IREB2: variants seen among roughly 807,000 people sequenced by gnomAD.
IREB2 encodes the protein iron-responsive element-binding protein 2.
IREB2 carries 39 observed loss-of-function variants against 118.8 expected under a neutral mutation model. The ratio of observed to expected loss-of-function variants is 0.33; its 90% CI spans 0.25 to 0.43. IREB2 has a LOEUF of 0.43. Ranked by LOEUF, IREB2 falls within the 20% of genes least tolerant of loss-of-function variation. IREB2 has a pLI of 1.00. For missense variants in IREB2, 900 were observed against 1,147.3 expected (o/e 0.78, Z 3.11); for synonymous variants, 372 against 392.2 (o/e 0.95, Z 0.61).
intron 3 of IREB2, among the ~76,000 whole-genome samples, chr15:78,464,956 A>C (rs1364017132): frequency 2.0e-5 from 3 of 152,228 alleles, no homozygotes; most frequent in Admixed American, 2.0e-4. Context: ...GGGAAGGTGC[A>C]TCAAAAAAAT....
chr15:78,484,931 G>T lies in IREB2; in HGVS notation c.1573+11G>T. On this transcript the variant is annotated intron_variant, in intron 12 of 21. Coordinates refer to ENST00000258886, the MANE Select transcript of IREB2 (RefSeq NM_004136.4). Reference sequence around the variant, plus strand: ...TCATGCTTGCTGCAGGTGGGTTGTGGTTTATGGCCATACTTTTTCTTTTTC... The same window carrying T: ...TCATGCTTGCTGCAGGTGGGTTGTGTTTTATGGCCATACTTTTTCTTTTTC... The T allele has an allele frequency of 6.2e-7, 1 of 1,602,672 alleles. No individual in the cohort carries two copies. Among genetic ancestry groups the T allele is most frequent in the Non-Finnish European group, 8.5e-7 (1 of 1,175,262 alleles).
chr15:78,442,045 T>G (rs2050852917), intron 2 of IREB2, among the ~76,000 whole-genome samples: 1 of 152,246 alleles, frequency 6.6e-6, no homozygotes, highest in South Asian at 2.1e-4. Context: ...TAGCTGGTAC[T>G]ATAGGCGTGC....
At chr15:78,453,591 TC>T (rs1022463609) in intron 2 of IREB2, among the ~76,000 whole-genome samples, 3 of 152,190 alleles carry the variant, frequency 2.0e-5, no homozygotes. Flanking sequence ...GATGCAAAAC[TC>T]CTATAGAGAA....
intron 20 of IREB2, 30 bp from the exon 21 acceptor site, chr15:78,497,096 T>C (rs750934332): frequency 5.7e-6 from 9 of 1,569,532 alleles, no homozygotes; most frequent in Admixed American, 3.4e-5. Flanking sequence ...CAGAAGTGAT[T>C]AGAGGGAATA....
At chr15:78,466,224 G>A (rs1375034887) in intron 4 of IREB2, 47 bp from the exon 5 acceptor site, 2 of 1,294,306 alleles carry the variant, frequency 1.5e-6, no homozygotes, top group Non-Finnish European at 2.2e-6. Flanking sequence ...AGCTAAATTT[G>A]TGTCCCTTTT....
Position 78,484,762 on chromosome 15 carries a change from T to A in IREB2, c.1415T>A (p.Val472Asp), listed in dbSNP as rs2051631481. The change falls in exon 12 of 22, where the codon GTT (valine) becomes GAT (aspartate). Residue 472 changes from valine (V) to aspartate (D), a missense_variant and splice_region_variant. Physicochemically the swap from Val to Asp is radical, Grantham distance 152. Coordinates refer to ENST00000258886, the MANE Select transcript of IREB2 (RefSeq NM_004136.4). ...SDFQACLNEK[V>D]GFKGFQIAAE... ...ATATTTTTGTGGAAATTTGTATAGGTTGGATTTAAAGGCTTCCAAATTGCA... is the reference window on the plus strand; with the variant it reads ...ATATTTTTGTGGAAATTTGTATAGGATGGATTTAAAGGCTTCCAAATTGCA... 1 of 1,610,728 alleles carries A rather than the reference T, an allele frequency of 6.2e-7. No homozygotes were observed. The highest frequency in any genetic ancestry group is 1.3e-5 in the African/African-American group (1 of 74,816).
At chr15:78,457,947 G>C (rs952126104) in intron 2 of IREB2, among the ~76,000 whole-genome samples, 3 of 151,848 alleles carry the variant, frequency 2.0e-5, no homozygotes, top group Non-Finnish European at 2.9e-5. Flanking sequence ...TTATGTTTCT[G>C]ATTGAAGTAA....
chr15:78,449,803 T>C (rs149346678), intron 2 of IREB2, among the ~76,000 whole-genome samples: 1 of 150,494 alleles, frequency 6.6e-6, no homozygotes, highest in Non-Finnish European at 1.5e-5. Flanking sequence ...GACCTCAGCA[T>C]TTTTTTTTCA....
intron 20 of IREB2, among the ~76,000 whole-genome samples, chr15:78,494,564 C>T (rs1046028373): frequency 1.8e-4 from 28 of 152,080 alleles, no homozygotes; most frequent in Non-Finnish European, 3.7e-4. Context: ...TTATTTATAC[C>T]TATTGATCAT....
intron 12 of IREB2, 21 bp downstream of exon 12, chr15:78,484,941 A>G: frequency 1.3e-6 from 2 of 1,596,050 alleles, no homozygotes; most frequent in Non-Finnish European, 1.7e-6. Flanking sequence ...GTTTATGGCC[A>G]TACTTTTTCT....
At chr15:78,443,303 G>T (rs1782278811) in intron 2 of IREB2, among the ~76,000 whole-genome samples, 2 of 152,156 alleles carry the variant, frequency 1.3e-5, no homozygotes, top group South Asian at 4.1e-4. Flanking sequence ...CCAAACCATA[G>T]ATAAGATGGG....
Position 78,484,686 on chromosome 15 carries a change from CTA to C in IREB2, c.1414-73_1414-72del, listed in dbSNP as rs1410829627. ...TAAATCATCAAATGTCCGGTATCTG[CTA>C]TGTTTTCTGCCAGTCTTTTATTCTG... On this transcript the variant is annotated intron_variant, in intron 11 of 21. Coordinates refer to ENST00000258886, the MANE Select transcript of IREB2 (RefSeq NM_004136.4). 4 of 1,010,926 alleles carry C rather than the reference CTA, an allele frequency of 4.0e-6. No homozygotes were observed. The East Asian group carries it at 9.8e-5, about 25-fold the overall frequency. 62.6% of individuals were successfully genotyped at this position (1,010,926 alleles called of 1,614,324 possible).
chr15:78,438,760 C>A (rs116845104), intron 1 of IREB2: 1 of 283,518 alleles, frequency 3.5e-6, no homozygotes, highest in Admixed American at 4.7e-5. Flanking sequence ...GTTCGGGTCT[C>A]ACGCAGCTAG....
At position 78,466,494 on chromosome 15, in the gene IREB2, G is replaced by C. The variant is rs778274858; in HGVS notation, c.629+5G>C. On this transcript the variant is annotated splice_donor_5th_base_variant and intron_variant, in intron 5 of 21. Coordinates refer to ENST00000258886, the MANE Select transcript of IREB2 (RefSeq NM_004136.4). ...TCATTTGCAACCAGTGCCTGAGTATGAGATTGTTTTTCTTAAAGTTTATTA... is the reference window on the plus strand; with the variant it reads ...TCATTTGCAACCAGTGCCTGAGTATCAGATTGTTTTTCTTAAAGTTTATTA... The C allele has an allele frequency of 6.3e-7, 1 of 1,597,096 alleles. No individual in the cohort carries two copies. Among genetic ancestry groups the C allele is most frequent in the Non-Finnish European group, 8.6e-7 (1 of 1,165,138 alleles).
intron 1 of IREB2, 200 bp downstream of exon 1, chr15:78,438,556 T>A: frequency 1.7e-6 from 1 of 602,906 alleles, no homozygotes; most frequent in Admixed American, 2.9e-5. Flanking sequence ...ATCCCCACCC[T>A]CCTGCGCGAC....
At chr15:78,448,849 C>G (rs773600407) in intron 2 of IREB2, among the ~76,000 whole-genome samples, 2 of 152,208 alleles carry the variant, frequency 1.3e-5, no homozygotes, top group African/African-American at 4.8e-5. Context: ...AGTCTTTCCC[C>G]CTTCCTTCAG....
At chr15:78,483,867 TCC>T (rs35963719) in intron 11 of IREB2, among the ~76,000 whole-genome samples, 1 of 151,112 alleles carries the variant, frequency 6.6e-6, no homozygotes, top group Non-Finnish European at 1.5e-5. Context: ...CACTGCAACC[TCC>T]CCCCTCCCGG....
At chr15:78,457,748 A>G (rs182487246) in intron 2 of IREB2, among the ~76,000 whole-genome samples, 1 of 152,012 alleles carries the variant, frequency 6.6e-6, no homozygotes, top group Non-Finnish European at 1.5e-5. Flanking sequence ...TCACCCTGTC[A>G]CTTTTTTTCT....
In IREB2 at chr15:78,488,701, A is replaced by G. The variant is rs1295300892; in HGVS notation, c.2006A>G (p.Glu669Gly). The G allele has an allele frequency of 1.2e-6, 2 of 1,609,364 alleles. No homozygotes were observed. The highest frequency in any genetic ancestry group is 4.5e-5 in the East Asian group (2 of 44,824). The change falls in exon 16 of 22, where the codon GAA becomes GGA. Residue 669 changes from glutamate to glycine, a missense_variant. Transcript: ENST00000258886. The stretch of plus-strand genomic sequence containing the variant: ...CTGCATGATATTTGGCCTAGTCGAG[A>G]AGAAGTTCATCGAGTAGAGGAAGAA... ...IYLHDIWPSR[E>G]EVHRVEEEHV...
Sources: gnomAD v4.1 joint callset for allele counts (sites outside exome capture counted in the v4.1 genomes callset) on GRCh38, gnomAD v4.1.1 for gene constraint, MANE v1.5 for transcripts, NCBI Gene and HGNC (gene_info 2026-07-23, HGNC 2026-07-21) for gene names.